Variants in SNTB2 observed in about 807,000 individuals in gnomAD.
SNTB2 encodes beta-2-syntrophin.
In SNTB2, 34 loss-of-function variants were observed where a neutral mutation model predicts 46.2. That is an observed-to-expected ratio of 0.74 (90% CI 0.56 to 0.98). The LOEUF (loss-of-function observed/expected upper bound fraction) is 0.98, where lower values mean the gene tolerates loss of function less well. SNTB2 is among the 50% of genes least tolerant of loss of function. SNTB2 has a pLI of 0.00. For synonymous variants in SNTB2, 290 were observed against 312.6 expected, an observed-to-expected ratio of 0.93 and a Z score of 0.76; for missense variants, 603 against 731.4, an observed-to-expected ratio of 0.82 and a Z score of 2.02.
At chr16:69,251,001 C>T (rs889297232) in intron 2 of SNTB2, among the ~76,000 whole-genome samples, 6 of 139,916 alleles carry the variant, frequency 4.3e-5, no homozygotes, top group East Asian at 4.3e-4. Flanking sequence ...TTTTTTGAGA[C>T]GGAGTCTCGC....
At chr16:69,190,182 T>C (rs770331782) in intron 1 of SNTB2, among the ~76,000 whole-genome samples, 15 of 152,238 alleles carry the variant, frequency 9.9e-5, no homozygotes, top group Non-Finnish European at 1.8e-4. Context: ...AAGTTTAGTC[T>C]TTAAAGTTTT....
chr16:69,193,400 C>T lies in SNTB2; in HGVS notation c.580+5654C>T, dbSNP rs543789862. 2.2e-5 allele frequency among the ~76,000 whole-genome samples: 3 copies of T among 139,366 alleles called. No individual in the cohort carries two copies. In the South Asian group the frequency reaches 6.8e-4, roughly 32 times the overall value. 91.4% of individuals were successfully genotyped at this position (139,366 alleles called of 152,430 possible). ...CTGGAGTGCAGAGGCACCATCTCGG[C>T]TCACTGCAACCTCCGCCTCCTGGGT... On this transcript the variant is annotated intron_variant, in intron 1 of 6. Coordinates refer to ENST00000336278, the MANE Select transcript of SNTB2 (RefSeq NM_006750.4).
At chr16:69,282,023 A>C (rs1284241437) in intron 4 of SNTB2, among the ~76,000 whole-genome samples, 1 of 147,160 alleles carries the variant, frequency 6.8e-6, no homozygotes, top group Non-Finnish European at 1.5e-5. Flanking sequence ...CTCCTGCCTC[A>C]GCCTTCCGAG....
intron 2 of SNTB2, among the ~76,000 whole-genome samples, chr16:69,247,955 A>G (rs1424458698): frequency 5.3e-5 from 8 of 152,280 alleles, no homozygotes; most frequent in East Asian, 3.9e-4. Context: ...TCGCCTCTAC[A>G]GGATTTTTTA....
intron 2 of SNTB2, among the ~76,000 whole-genome samples, chr16:69,252,485 A>G (rs942141362): frequency 6.6e-6 from 1 of 152,190 alleles, no homozygotes; most frequent in African/African-American, 2.4e-5. Context: ...GGAAATGTAA[A>G]TCCGTGTTCT....
At chr16:69,222,547 C>G (rs1964416043) in intron 1 of SNTB2, among the ~76,000 whole-genome samples, 1 of 147,480 alleles carries the variant, frequency 6.8e-6, no homozygotes, top group South Asian at 2.1e-4. Flanking sequence ...AAGCTGAGAT[C>G]ATGCCACTGC....
At chr16:69,239,956 A>G (rs1374030344) in intron 1 of SNTB2, among the ~76,000 whole-genome samples, 2 of 152,164 alleles carry the variant, frequency 1.3e-5, no homozygotes, top group Non-Finnish European at 2.9e-5. Flanking sequence ...TGAGTTATAA[A>G]TAGTTTGTTC....
At chr16:69,246,306 C>T (rs750132976) in intron 2 of SNTB2, among the ~76,000 whole-genome samples, 29 of 152,072 alleles carry the variant, frequency 1.9e-4, no homozygotes, top group Non-Finnish European at 3.7e-4. Flanking sequence ...TTTTCTGCAT[C>T]TATTGAGATA....
At position 69,275,077 on chromosome 16, in the gene SNTB2, C is replaced by G. The variant is rs191405272; in HGVS notation, c.1148+4792C>G. 2.7e-3 allele frequency among the ~76,000 whole-genome samples: 402 copies of G among 150,132 alleles called. 1 individual carries two copies. The highest frequency in any genetic ancestry group is 4.4e-3 in the Non-Finnish European group (297 of 67,630). On this transcript the variant is annotated intron_variant, in intron 4 of 6. Coordinates refer to ENST00000336278, the MANE Select transcript of SNTB2 (RefSeq NM_006750.4). Reference sequence around the variant, plus strand: ...CCTCTCTCTCTCCTTCCTTCCTTCTCTCTTTTTTTTTCTGACGAACTCTCA... The same window carrying G: ...CCTCTCTCTCTCCTTCCTTCCTTCTGTCTTTTTTTTTCTGACGAACTCTCA...
Position 69,260,278 on chromosome 16 carries a change from G to A in SNTB2, c.1005+18G>A, listed in dbSNP as rs1964822913. Reference sequence around the variant, plus strand: ...CAGAACAGGTAGGCTGGGAGGCAGGGCAGAGTATCACCTGGTTCCCATTCA... The same window carrying A: ...CAGAACAGGTAGGCTGGGAGGCAGGACAGAGTATCACCTGGTTCCCATTCA... On this transcript the variant is annotated intron_variant, in intron 3 of 6. Coordinates refer to ENST00000336278, the MANE Select transcript of SNTB2 (RefSeq NM_006750.4). The A allele has an allele frequency of 1.9e-6, 3 of 1,610,710 alleles. No individual in the cohort carries two copies. Among genetic ancestry groups the A allele is most frequent in the East Asian group, 4.5e-5 (2 of 44,860 alleles).
In SNTB2 at chr16:69,284,290, G is replaced by T. The variant is rs182686555; in HGVS notation, c.1345+46G>T. On this transcript the variant is annotated intron_variant, in intron 5 of 6. Coordinates refer to ENST00000336278, the MANE Select transcript of SNTB2 (RefSeq NM_006750.4). ...TTTCTAGTAGTAATTAAATAGAACT[G>T]TTATATAGTCATGTGCTGCATAATG... The T allele has an allele frequency of 7.9e-5, 118 of 1,493,490 alleles. No individual in the cohort carries two copies. In the African/African-American group the frequency reaches 1.5e-3, roughly 19 times the overall value. 92.5% of individuals were successfully genotyped at this position (1,493,490 alleles called of 1,614,324 possible).
In SNTB2 at chr16:69,308,448, A is replaced by G. The variant is rs1965331498; in HGVS notation, c.*7524A>G. 1 of 152,244 alleles carries G rather than the reference A, an allele frequency of 6.6e-6. No individual in the cohort carries two copies. 9.4% of individuals were successfully genotyped at this position (152,244 alleles called of 1,614,324 possible). A position where few individuals can be genotyped will look rare whatever the true frequency, so the allele number is the denominator to read the frequency against. On this transcript the variant is annotated 3_prime_UTR_variant, in exon 7 of 7. Transcript: ENST00000336278. The stretch of plus-strand genomic sequence containing the variant: ...GAACAAGTTTCAGAATTTTCCCTCC[A>G]CTATACGACTCCAGTATTATGTTTA...
At chr16:69,235,494 G>A (rs933193731) in intron 1 of SNTB2, among the ~76,000 whole-genome samples, 1 of 152,102 alleles carries the variant, frequency 6.6e-6, no homozygotes. Context: ...TTTCTATATA[G>A]GTGGAGAAAG....
intron 6 of SNTB2, 119 bp from the exon 7 acceptor site, chr16:69,300,713 A>G: frequency 5.7e-6 from 4 of 702,476 alleles, no homozygotes; most frequent in Non-Finnish European, 1.0e-5. Context: ...TTAAGTTCCT[A>G]AGAGTTTCCA....
intron 2 of SNTB2, among the ~76,000 whole-genome samples, chr16:69,249,360 T>C (rs1280856146): frequency 1.3e-5 from 2 of 152,188 alleles, no homozygotes; most frequent in African/African-American, 4.8e-5. Context: ...CCTGTAGTGC[T>C]GCTGATGTAG....
chr16:69,189,557 C>T (rs1249154860), intron 1 of SNTB2, among the ~76,000 whole-genome samples: 1 of 152,098 alleles, frequency 6.6e-6, no homozygotes, highest in Non-Finnish European at 1.5e-5. Context: ...GAGAACATGA[C>T]GAAACCTCGT....
chr16:69,192,408 G>C (rs1320778941), intron 1 of SNTB2, among the ~76,000 whole-genome samples: 1 of 152,174 alleles, frequency 6.6e-6, no homozygotes, highest in Non-Finnish European at 1.5e-5. Flanking sequence ...TTTATCAGTG[G>C]AAAAGTGAAA....
intron 5 of SNTB2, among the ~76,000 whole-genome samples, chr16:69,297,060 T>A (rs1255323171): frequency 1.3e-5 from 2 of 150,958 alleles, no homozygotes; most frequent in Non-Finnish European, 2.9e-5. Context: ...ATCCCAGCAC[T>A]TTGGGAGACC....
chr16:69,293,541 G>C (rs1209313488), intron 5 of SNTB2, among the ~76,000 whole-genome samples: 4 of 152,212 alleles, frequency 2.6e-5, no homozygotes, highest in Admixed American at 2.6e-4. Flanking sequence ...AGGAGTGGAC[G>C]TGAGGTGAAT....
Sources: allele counts gnomAD v4.1 joint callset (sites outside exome capture counted in the v4.1 genomes callset), GRCh38; gene constraint gnomAD v4.1.1; transcripts MANE v1.5; gene names NCBI Gene and HGNC (gene_info 2026-07-23, HGNC 2026-07-21).